DNAH7: variants seen among roughly 807,000 people sequenced by gnomAD.
DNAH7 encodes the protein dynein axonemal heavy chain 7.
DNAH7 carries 397 observed loss-of-function variants against 444.6 expected under a neutral mutation model. The observed-to-expected ratio is 0.89, with a 90% CI of 0.82 to 0.97. DNAH7 has a LOEUF of 0.97. Among genes scored for constraint, DNAH7 ranks in the 50% least tolerant of loss-of-function variants. DNAH7 has a pLI of 0.00. For synonymous variants in DNAH7, 1,636 were observed against 1,624.4 expected (o/e 1.01, Z -0.17); for missense variants, 4,902 against 4,800.8 (o/e 1.02, Z -0.62).
chr2:195,740,603 GTGTGTGTGTGTGTATATA>G (rs1166752142), intron 64 of DNAH7, among the ~76,000 whole-genome samples, 145 bp downstream of exon 64: 8 of 52,004 alleles, frequency 1.5e-4, no homozygotes, highest in East Asian at 8.9e-4. Flanking sequence ...GTGTGTGTGT[GTGTGTGTGTGTGTATATA>G]TATATATATA....
intron 9 of DNAH7, among the ~76,000 whole-genome samples, chr2:196,018,656 T>C (rs891778469): frequency 4.6e-5 from 7 of 152,148 alleles, no homozygotes; most frequent in African/African-American, 1.7e-4. Flanking sequence ...ACAATTGACG[T>C]GCTGAAGAAT....
chr2:195,808,332 T>C (rs1365986172), intron 53 of DNAH7, among the ~76,000 whole-genome samples: 1 of 152,230 alleles, frequency 6.6e-6, no homozygotes, highest in Non-Finnish European at 1.5e-5. Context: ...TCAGCTTGTA[T>C]CCTGCATTCA....
intron 12 of DNAH7, among the ~76,000 whole-genome samples, chr2:195,989,844 T>C (rs1035510628): frequency 2.0e-5 from 3 of 152,198 alleles, no homozygotes; most frequent in Admixed American, 2.0e-4. Context: ...CTTTCCATCA[T>C]GTCTGTAAGC....
At chr2:195,850,389 C>A (rs1699289232) in intron 46 of DNAH7, among the ~76,000 whole-genome samples, 1 of 151,890 alleles carries the variant, frequency 6.6e-6, no homozygotes. Context: ...ACAGTTTCTA[C>A]TTTGGTTATT....
In DNAH7 at chr2:195,884,613, G is replaced by T; in HGVS notation, c.5735C>A (p.Thr1912Lys). ...ALTVPFPEKG[T>K]IYDYQFVTEG... ...AGTGACAAATTGATAATCATAAATTGTTCCTTTTTCAGGAAATGGGACAGT... is the reference window on the plus strand; with the variant it reads ...AGTGACAAATTGATAATCATAAATTTTTCCTTTTTCAGGAAATGGGACAGT... The change falls in exon 35 of 65, where the codon ACA (threonine) becomes AAA (lysine). Residue 1912 changes from threonine to lysine, a missense_variant. Thr to Lys is a moderately conservative substitution (Grantham distance 78). Transcript: ENST00000312428. 6.2e-7 allele frequency: 1 copy of T among 1,613,942 alleles called. No homozygotes were observed. Among genetic ancestry groups the T allele is most frequent in the Non-Finnish European group, 8.5e-7 (1 of 1,179,864 alleles).
intron 42 of DNAH7, among the ~76,000 whole-genome samples, chr2:195,861,290 T>C (rs1700001191): frequency 6.6e-6 from 1 of 152,208 alleles, no homozygotes; most frequent in Non-Finnish European, 1.5e-5. Flanking sequence ...ACACTTTCTA[T>C]AGCAGGTAAG....
intron 27 of DNAH7, chr2:195,904,952 C>A (rs573315986): frequency 6.6e-6 from 1 of 152,206 alleles, no homozygotes; most frequent in Admixed American, 6.5e-5. Flanking sequence ...TACCTGAAAA[C>A]AGATGCTCTG....
intron 2 of DNAH7, among the ~76,000 whole-genome samples, chr2:196,057,352 A>G (rs905338663): frequency 1.3e-5 from 2 of 152,228 alleles, no homozygotes; most frequent in African/African-American, 4.8e-5. Context: ...AAGTAAATTT[A>G]AATTTAACAC....
intron 21 of DNAH7, among the ~76,000 whole-genome samples, chr2:195,928,215 G>A (rs1688465687): frequency 6.6e-6 from 1 of 152,010 alleles, no homozygotes; most frequent in South Asian, 2.1e-4. Flanking sequence ...TAGGATTATG[G>A]ACTCCAGCTC....
At chr2:195,824,491 T>C (rs1422515608) in intron 48 of DNAH7, 46 bp from the exon 49 acceptor site, 1 of 1,393,376 alleles carries the variant, frequency 7.2e-7, no homozygotes, top group East Asian at 2.5e-5. Flanking sequence ...AAATATTGAC[T>C]ATAAATATTA....
chr2:195,744,431 A>G lies in DNAH7; in HGVS notation c.11765-3562T>C, dbSNP rs149309952. Among the ~76,000 whole-genome samples the G allele has an allele frequency of 0.019, 2,898 of 152,054 alleles. 224 individuals carry two copies. In the East Asian group the frequency reaches 0.26, roughly 13 times the overall value. On this transcript the variant is annotated intron_variant, in intron 63 of 64. Transcript: ENST00000312428. ...TACCTCTGGGGGCAGGGCACAGACAAACAAACAAAAAGACAGCAGTAACCT... is the reference window on the plus strand; with the variant it reads ...TACCTCTGGGGGCAGGGCACAGACAGACAAACAAAAAGACAGCAGTAACCT...
rs539134873 is a variant in DNAH7, at chr2:195,738,128, C to T, written c.11869-1G>A. On this transcript the variant is annotated splice_acceptor_variant, in intron 64 of 64. Coordinates refer to ENST00000312428, the MANE Select transcript of DNAH7 (RefSeq NM_018897.3). LOFTEE classifies it high-confidence loss of function. ...CCCTCTTACAGGGCTTTAGCCACAT[C>T]TGGAAGAAAGTACATAACACCTCTT... 5.9e-5 allele frequency: 95 copies of T among 1,613,336 alleles called. No homozygotes were observed. Among genetic ancestry groups the T allele is most frequent in the Non-Finnish European group, 7.5e-5 (88 of 1,179,544 alleles).
chr2:195,887,136 C>G (rs1273090605), intron 33 of DNAH7, among the ~76,000 whole-genome samples: 4 of 149,160 alleles, frequency 2.7e-5, no homozygotes, highest in Admixed American at 2.6e-4. Context: ...CAAGAAATAA[C>G]AGAAGTGCAC....
At chr2:195,837,365 T>C (rs1698426975) in intron 47 of DNAH7, among the ~76,000 whole-genome samples, 1 of 152,248 alleles carries the variant, frequency 6.6e-6, no homozygotes, top group Non-Finnish European at 1.5e-5. Flanking sequence ...TTTTACAGCC[T>C]ATCTCTTTCA....
intron 34 of DNAH7, 82 bp downstream of exon 34, chr2:195,886,059 A>G (rs1701689364): frequency 2.1e-6 from 3 of 1,453,984 alleles, no homozygotes; most frequent in Non-Finnish European, 2.7e-6. Context: ...GGGCAAAATG[A>G]GTTTCACAAA....
intron 1 of DNAH7, chr2:196,068,363 A>C (rs906072539): frequency 4.4e-5 from 17 of 385,606 alleles, no homozygotes; most frequent in Non-Finnish European, 7.9e-5. Context: ...TTAGAACCCA[A>C]ACCCGCTGCA....
chr2:195,900,743 G>A, intron 27 of DNAH7: 2 of 316,464 alleles, frequency 6.3e-6, no homozygotes, highest in Non-Finnish European at 5.9e-6. Context: ...AGCACTGTGG[G>A]GTGACTATAG....
chr2:195,907,344 A>C (rs954007036), intron 25 of DNAH7, among the ~76,000 whole-genome samples: 2 of 152,086 alleles, frequency 1.3e-5, no homozygotes, highest in Non-Finnish European at 2.9e-5. Flanking sequence ...ATTTTATAGC[A>C]TAGGTTATAA....
intron 57 of DNAH7, among the ~76,000 whole-genome samples, chr2:195,790,601 T>A (rs1695835787): frequency 6.6e-6 from 1 of 152,144 alleles, no homozygotes; most frequent in African/African-American, 2.4e-5. Flanking sequence ...AAAGACTCCC[T>A]ATTCAATAAA....
Sources: allele counts gnomAD v4.1 joint callset (sites outside exome capture counted in the v4.1 genomes callset), GRCh38; gene constraint gnomAD v4.1.1; transcripts MANE v1.5; gene names NCBI Gene and HGNC (gene_info 2026-07-23, HGNC 2026-07-21).